Variants in SS18 observed in about 807,000 individuals in gnomAD.
The protein encoded by SS18 is protein SSXT.
In SS18, 28 loss-of-function variants were observed where a neutral mutation model predicts 72.5. That is an observed-to-expected ratio of 0.39 (90% CI 0.29 to 0.53). The LOEUF (loss-of-function observed/expected upper bound fraction) is 0.53, where lower values mean the gene tolerates loss of function less well. Ranked by LOEUF, SS18 falls within the 20% of genes least tolerant of loss-of-function variation. The pLI, the probability that SS18 is intolerant of heterozygous loss-of-function variation, is 0.76. For missense variants in SS18, 518 were observed against 535.3 expected (o/e 0.97, Z 0.32); for synonymous variants, 172 against 164.2 (o/e 1.05, Z -0.37).
Position 26,018,639 on chromosome 18 carries a change from G to A in SS18, c.1231-259C>T, listed in dbSNP as rs1401399545. On this transcript the variant is annotated intron_variant, in intron 10 of 10. Transcript: ENST00000415083. ...AGCCTAGAATAATACTTGTCAGAGT[G>A]GGAACTTAAATGTTTAGTGAATTTT... Among the ~76,000 whole-genome samples the A allele has an allele frequency of 2.6e-5, 4 of 152,154 alleles. No homozygotes were observed. In the East Asian group the frequency reaches 7.7e-4, roughly 29 times the overall value.
At chr18:26,033,511 CAAA>C (rs761018834) in intron 9 of SS18, among the ~76,000 whole-genome samples, 2 of 83,482 alleles carry the variant, frequency 2.4e-5, no homozygotes, top group Non-Finnish European at 2.7e-5. Context: ...AAACTCCGTC[CAAA>C]AAAAAAAAAA....
At chr18:26,088,650 T>C (rs2054658583) in intron 1 of SS18, among the ~76,000 whole-genome samples, 1 of 152,170 alleles carries the variant, frequency 6.6e-6, no homozygotes, top group South Asian at 2.1e-4. Context: ...AAAGGCCAGT[T>C]AGTTTCAGTG....
At chr18:26,079,103 G>A (rs939172149) in intron 2 of SS18, 2 of 151,916 alleles carry the variant, frequency 1.3e-5, no homozygotes, top group Non-Finnish European at 2.9e-5. Flanking sequence ...ATATAGAGAA[G>A]GCAATGAATA....
At chr18:26,037,311 CAAT>C (rs1406152643) in intron 7 of SS18, among the ~76,000 whole-genome samples, 6 of 151,942 alleles carry the variant, frequency 3.9e-5, no homozygotes, top group South Asian at 4.2e-4. Flanking sequence ...ATCAAAACAA[CAAT>C]GTCAAATTTA....
intron 5 of SS18, among the ~76,000 whole-genome samples, chr18:26,044,761 GT>G (rs1568002714): frequency 1.3e-5 from 2 of 152,074 alleles, no homozygotes. Flanking sequence ...CTGGATGGGG[GT>G]TTTGGGCCAA....
chr18:26,044,096 T>C (rs745824611), intron 5 of SS18, among the ~76,000 whole-genome samples: 6 of 152,114 alleles, frequency 3.9e-5, no homozygotes, highest in Admixed American at 2.0e-4. Flanking sequence ...AGTCAACAAA[T>C]AGGATAAAGC....
chr18:26,071,910 T>C lies in SS18; in HGVS notation c.231+6166A>G, dbSNP rs182190361. ...ACAAAACAAAAATACTGAAGGTATG[T>C]CTCACCAGCAAAGCAGTGCTAAAGG... On this transcript the variant is annotated intron_variant, in intron 3 of 10. Coordinates refer to ENST00000415083, the MANE Select transcript of SS18 (RefSeq NM_001007559.3). Among the ~76,000 whole-genome samples, 198 of 152,142 alleles carry C rather than the reference T, an allele frequency of 1.3e-3. 1 individual carries two copies. Among genetic ancestry groups the C allele is most frequent in the African/African-American group, 4.3e-3 (177 of 41,506 alleles).
rs138253200 is a variant in SS18, at chr18:26,059,970, G to C, written c.232-2228C>G. On this transcript the variant is annotated intron_variant, in intron 3 of 10. Transcript: ENST00000415083. Reference sequence around the variant, plus strand: ...GCTGGTGGAAATGTAAAAGGGTACAGCCACTGTGGAAAACAGTTTGACAGT... The same window carrying C: ...GCTGGTGGAAATGTAAAAGGGTACACCCACTGTGGAAAACAGTTTGACAGT... Among the ~76,000 whole-genome samples the C allele has an allele frequency of 3.3e-3, 506 of 152,338 alleles. 3 individuals are homozygous for C. The highest frequency in any genetic ancestry group is 0.011 in the African/African-American group (477 of 41,578).
intron 10 of SS18, among the ~76,000 whole-genome samples, chr18:26,019,714 G>A (rs749413622): frequency 4.2e-5 from 6 of 144,418 alleles, no homozygotes; most frequent in Non-Finnish European, 6.0e-5. Flanking sequence ...GGGAGGCTGA[G>A]GCAAGAGAAT....
intron 3 of SS18, among the ~76,000 whole-genome samples, chr18:26,069,605 A>G (rs1334298901): frequency 2.0e-5 from 3 of 152,084 alleles, no homozygotes; most frequent in African/African-American, 7.2e-5. Context: ...AGTTTTCCAC[A>G]TAATTCTAAT....
At position 26,035,861 on chromosome 18, in the gene SS18, C is replaced by T; in HGVS notation, c.943G>A (p.Glu315Lys). 2 of 1,601,910 alleles carry T rather than the reference C, an allele frequency of 1.2e-6. No individual in the cohort carries two copies. Among genetic ancestry groups the T allele is most frequent in the South Asian group, 1.1e-5 (1 of 89,220 alleles). ...YPEQGYDRPY[E>K]DSSQHYYEGG... ...TCGTAGTAATGTTGTGAGGAATCCT[C>T]ATAAGGCCTATCGTAGCCTTGTTCA... Residue 315 changes from glutamate to lysine, a missense_variant, in exon 8 of 11, where the codon GAG becomes AAG. Glu to Lys is a moderately conservative substitution (Grantham distance 56). Transcript: ENST00000415083. The surrounding 1 kb of genome is among the most constrained non-coding windows in gnomAD (Gnocchi z 4.4).
chr18:26,087,688 C>T, intron 1 of SS18, 111 bp from the exon 2 acceptor site: 1 of 629,662 alleles, frequency 1.6e-6, no homozygotes, highest in Non-Finnish European at 2.8e-6. Flanking sequence ...TACAAGAACT[C>T]TAAAGCGTAT....
At chr18:26,046,071 C>T (rs1457550278) in intron 5 of SS18, among the ~76,000 whole-genome samples, 1 of 151,310 alleles carries the variant, frequency 6.6e-6, no homozygotes, top group African/African-American at 2.4e-5. Context: ...CCTGTAATCC[C>T]AGCTACTCGG....
In SS18 at chr18:26,022,183, T is replaced by C. The variant is rs78318099; in HGVS notation, c.1231-3803A>G. 6.8e-3 allele frequency among the ~76,000 whole-genome samples: 1,033 copies of C among 152,288 alleles called. 9 individuals carry two copies. Among genetic ancestry groups the C allele is most frequent in the African/African-American group, 0.023 (975 of 41,570 alleles). On this transcript the variant is annotated intron_variant, in intron 10 of 10. Coordinates refer to ENST00000415083, the MANE Select transcript of SS18 (RefSeq NM_001007559.3). ...TCACGCATTCAAATCTAGAAAGTAG[T>C]GGCCTTATTTACTCAGTTGTTTATA...
chr18:26,063,738 A>G (rs1206939589), intron 3 of SS18, among the ~76,000 whole-genome samples: 1 of 152,206 alleles, frequency 6.6e-6, no homozygotes, highest in African/African-American at 2.4e-5. Flanking sequence ...CTTTATTTTC[A>G]GTAGCTAAAG....
chr18:26,083,752 GATTGT>G (rs2054570221), intron 2 of SS18, among the ~76,000 whole-genome samples: 2 of 152,174 alleles, frequency 1.3e-5, no homozygotes, highest in Non-Finnish European at 2.9e-5. Context: ...GGTAGCGCAT[GATTGT>G]ATTCTAATAA....
intron 5 of SS18, among the ~76,000 whole-genome samples, chr18:26,044,533 A>G (rs1639110267): frequency 6.6e-6 from 1 of 151,786 alleles, no homozygotes; most frequent in Non-Finnish European, 1.5e-5. Flanking sequence ...TATGTTGGCC[A>G]GGTTGGTCTC....
chr18:26,067,036 G>A (rs2054232928), intron 3 of SS18, among the ~76,000 whole-genome samples: 1 of 152,022 alleles, frequency 6.6e-6, no homozygotes, highest in Non-Finnish European at 1.5e-5. Flanking sequence ...ATTCTTAAAG[G>A]AATCAATTAT....
intron 2 of SS18, among the ~76,000 whole-genome samples, chr18:26,086,504 T>C (rs2054618664): frequency 1.3e-5 from 2 of 152,262 alleles, no homozygotes; most frequent in Admixed American, 6.5e-5. Context: ...TTAAATAAAA[T>C]GTATTACTAA....
Sources: gnomAD v4.1 joint callset for allele counts (sites outside exome capture counted in the v4.1 genomes callset) on GRCh38, gnomAD v4.1.1 for gene constraint, Gnocchi (gnomAD v3.1) non-coding constraint, MANE v1.5 for transcripts, NCBI Gene and HGNC (gene_info 2026-07-23, HGNC 2026-07-21) for gene names.